OSBP: variants seen among roughly 807,000 people sequenced by gnomAD.
OSBP encodes oxysterol binding protein.
In OSBP, 32 loss-of-function variants were observed where a neutral mutation model predicts 96.6. The ratio of observed to expected loss-of-function variants is 0.33; its 90% CI spans 0.25 to 0.45. The LOEUF is 0.45. Among genes scored for constraint, OSBP ranks in the 20% least tolerant of loss-of-function variants. The probability of loss-of-function intolerance (pLI) is 1.00; values close to 1 mark genes in which losing one functional copy is unlikely to be tolerated. For missense variants in OSBP, 653 were observed against 1,029.7 expected (o/e 0.63, Z 5.01); for synonymous variants, 369 against 389.6 (o/e 0.95, Z 0.62).
chr11:59,585,209 G>A (rs1184845458), intron 9 of OSBP, among the ~76,000 whole-genome samples: 6 of 151,726 alleles, frequency 4.0e-5, no homozygotes, highest in African/African-American at 9.7e-5. Flanking sequence ...CTTCCCGGCC[G>A]CCATCACATC....
intron 9 of OSBP, among the ~76,000 whole-genome samples, chr11:59,591,051 G>A (rs1326756612): frequency 2.4e-4 from 36 of 152,186 alleles, no homozygotes; most frequent in Admixed American, 2.3e-3. Context: ...GATATGTGGA[G>A]GAACTTAACA....
At chr11:59,580,526 T>C (rs75333874) in intron 10 of OSBP, among the ~76,000 whole-genome samples, 5,703 of 152,304 alleles carry the variant, frequency 0.037, 146 homozygotes, top group Non-Finnish European at 0.043. Flanking sequence ...TCAGCACATA[T>C]ACTGAAGTAC....
chr11:59,593,343 T>C (rs1481718290), intron 9 of OSBP: 2 of 334,752 alleles, frequency 6.0e-6, no homozygotes, highest in Middle Eastern at 8.6e-4. Flanking sequence ...CTAGAACTTG[T>C]GTTCTAAATA....
Position 59,593,537 on chromosome 11 carries a change from C to T in OSBP, c.1678+67G>A. ...GTCTCCTGACTCTTTAGCCAGTGACCTCCTCCATCGTGCCAGAAAACCTTT... is the reference window on the plus strand; with the variant it reads ...GTCTCCTGACTCTTTAGCCAGTGACTTCCTCCATCGTGCCAGAAAACCTTT... On this transcript the variant is annotated intron_variant, in intron 9 of 13. Transcript: ENST00000263847. The T allele has an allele frequency of 1.5e-5, 24 of 1,576,020 alleles. No homozygotes were observed. The South Asian group carries it at 2.6e-4, about 17-fold the overall frequency.
chr11:59,615,687 C>T lies in OSBP; in HGVS notation c.-23G>A. The T allele has an allele frequency of 1.5e-6, 2 of 1,297,526 alleles. No individual in the cohort carries two copies. The highest frequency in any genetic ancestry group is 2.3e-5 in the South Asian group (1 of 43,862). 80.4% of individuals were successfully genotyped at this position (1,297,526 alleles called of 1,614,324 possible). A position where few individuals can be genotyped will look rare whatever the true frequency, so the allele number is the denominator to read the frequency against. ...CATGAGCCGCCGCCGCCTGGAGATA[C>T]AAGACCGGAACCGCCTACGAGAGCC... On this transcript the variant is annotated 5_prime_UTR_variant, in exon 1 of 14. Coordinates refer to ENST00000263847, the MANE Select transcript of OSBP (RefSeq NM_002556.3).
chr11:59,575,613 A>G lies in OSBP; in HGVS notation c.*964T>C, dbSNP rs1446669168. The G allele has an allele frequency of 6.6e-6, 1 of 152,670 alleles. No individual in the cohort carries two copies. The highest frequency in any genetic ancestry group is 1.5e-5 in the Non-Finnish European group (1 of 68,058). 9.5% of individuals were successfully genotyped at this position (152,670 alleles called of 1,614,324 possible). A position where few individuals can be genotyped will look rare whatever the true frequency, so the allele number is the denominator to read the frequency against. ...GAGATGGTGAAAACTTTTGTTCCAC[A>G]TTAACTTCTGCTCTCAAATTCTGAA... On this transcript the variant is annotated 3_prime_UTR_variant, in exon 14 of 14. Coordinates refer to ENST00000263847, the MANE Select transcript of OSBP (RefSeq NM_002556.3).
intron 4 of OSBP, 28 bp downstream of exon 4, chr11:59,601,612 C>G (rs1860725373): frequency 6.2e-7 from 1 of 1,607,862 alleles, no homozygotes; most frequent in Non-Finnish European, 8.5e-7. Context: ...CACCTTAGAC[C>G]AGGCTACCTG....
At chr11:59,581,325 C>A in intron 10 of OSBP, 126 bp downstream of exon 10, 1 of 478,024 alleles carries the variant, frequency 2.1e-6, no homozygotes, top group Non-Finnish European at 3.8e-6. Context: ...AGAGAAATTC[C>A]TTAGGAGAAA....
At chr11:59,606,447 A>C (rs78368181) in intron 3 of OSBP, among the ~76,000 whole-genome samples, 1 of 152,056 alleles carries the variant, frequency 6.6e-6, no homozygotes, top group African/African-American at 2.4e-5. Context: ...AAAAAAAAAA[A>C]CACATCTTCT....
rs763588771 is a variant in OSBP at position 59,578,145 on chromosome 11, T to G, written c.2060+4A>C. 6.2e-7 allele frequency: 1 copy of G among 1,613,964 alleles called. No individual in the cohort carries two copies. The highest frequency in any genetic ancestry group is 8.5e-7 in the Non-Finnish European group (1 of 1,179,830). ...ATCTGGGCAGCATGCATGCTGATAC[T>G]CACGGTAAAGGATTCCTTTTCCACA... is the stretch of plus-strand genomic sequence containing the variant. On this transcript the variant is annotated splice_donor_region_variant and intron_variant, in intron 12 of 13. Coordinates refer to ENST00000263847, the MANE Select transcript of OSBP (RefSeq NM_002556.3).
In OSBP at chr11:59,576,873, C is replaced by T. The variant is rs775775277; in HGVS notation, c.2213G>A (p.Arg738His). 11 of 1,614,050 alleles carry T rather than the reference C, an allele frequency of 6.8e-6. No homozygotes were observed. The highest frequency in any genetic ancestry group is 1.7e-5 in the Admixed American group (1 of 59,992). ...GGAAAGTCTTTGTTTTTCCTCCAGG[C>T]GCTGCTTCTCCGCATTTGCTTCATC... ...RWDEANAEKQ[R>H]LEEKQRLSRK... Residue 738 changes from arginine (R) to histidine (H), a missense_variant, in exon 13 of 14, where the codon CGC becomes CAC. Coordinates refer to ENST00000263847, the MANE Select transcript of OSBP (RefSeq NM_002556.3).
In OSBP at chr11:59,610,464, G is replaced by A; in HGVS notation, c.488C>T (p.Ala163Val). The change falls in exon 2 of 14, where the codon GCT becomes GTT. Residue 163 changes from alanine (A) to valine (V), a missense_variant. Around this residue, in one of 6 missense-constraint regions of OSBP, gnomAD observed 308 missense variants for 573.1 expected, o/e 0.54. Coordinates refer to ENST00000263847, the MANE Select transcript of OSBP (RefSeq NM_002556.3). ...GCGCTGCCGCTCAACTTCTGAACTA[G>A]CTTTCAGATGGTAGGTCTGAGCACC... ...NGGAQTYHLK[A>V]SSEVERQRWV... 6.2e-7 allele frequency: 1 copy of A among 1,614,150 alleles called. No individual in the cohort carries two copies. Among genetic ancestry groups the A allele is most frequent in the Non-Finnish European group, 8.5e-7 (1 of 1,179,996 alleles).
Position 59,593,492 on chromosome 11 carries a change from G to C in OSBP, c.1678+112C>G, listed in dbSNP as rs1207224626. The C allele has an allele frequency of 3.2e-5, 38 of 1,193,206 alleles. No homozygotes were observed. In the Middle Eastern group the frequency reaches 9.2e-4, roughly 29 times the overall value. 73.9% of individuals were successfully genotyped at this position (1,193,206 alleles called of 1,614,324 possible). A position where few individuals can be genotyped will look rare whatever the true frequency, so the allele number is the denominator to read the frequency against. On this transcript the variant is annotated intron_variant, in intron 9 of 13. Transcript: ENST00000263847. ...GCCCAAAGCCAGTTAGTGAGGGTCA[G>C]TGCTCGAATCAGACCTCCTGTCTCC...
At chr11:59,608,234 A>AG (rs1319573694) in intron 3 of OSBP, among the ~76,000 whole-genome samples, 1 of 152,230 alleles carries the variant, frequency 6.6e-6, no homozygotes, top group East Asian at 1.9e-4. Flanking sequence ...CAGTCAGTGA[A>AG]GGAACCCTGG....
chr11:59,593,737 A>G lies in OSBP; in HGVS notation c.1558-13T>C. 1 of 1,613,862 alleles carries G rather than the reference A, an allele frequency of 6.2e-7. No homozygotes were observed. ...GATGATGACTCACCTTGAAGAAATC[A>G]GGTTCAAATTAAGACGGCAGAAAGG... On this transcript the variant is annotated splice_polypyrimidine_tract_variant and intron_variant, in intron 8 of 13. Coordinates refer to ENST00000263847, the MANE Select transcript of OSBP (RefSeq NM_002556.3).
chr11:59,598,951 A>T (rs1481832694), intron 7 of OSBP, among the ~76,000 whole-genome samples: 1 of 152,218 alleles, frequency 6.6e-6, no homozygotes, highest in Non-Finnish European at 1.5e-5. Flanking sequence ...AGCTGGAATA[A>T]GGCTCTGATG....
intron 7 of OSBP, among the ~76,000 whole-genome samples, chr11:59,594,801 T>C (rs1860628107): frequency 6.6e-6 from 1 of 152,152 alleles, no homozygotes; most frequent in Non-Finnish European, 1.5e-5. Context: ...GGCTGGATAA[T>C]TGTGTTTCTG....
chr11:59,608,391 G>T (rs1205500111), intron 3 of OSBP, 93 bp downstream of exon 3: 1 of 1,482,588 alleles, frequency 6.7e-7, no homozygotes, highest in Non-Finnish European at 9.4e-7. Context: ...AATGTTCTGT[G>T]CTTTATCAAT....
chr11:59,598,006 G>C (rs935678273), intron 7 of OSBP, among the ~76,000 whole-genome samples: 5 of 151,930 alleles, frequency 3.3e-5, no homozygotes, highest in South Asian at 2.1e-4. Flanking sequence ...GTGCCCAGCC[G>C]AATTTTTTAT....
Sources: gnomAD v4.1 joint callset for allele counts (sites outside exome capture counted in the v4.1 genomes callset) on GRCh38, gnomAD v4.1.1 for gene constraint, gnomAD v4.1.1 regional missense constraint, MANE v1.5 for transcripts, NCBI Gene and HGNC (gene_info 2026-07-23, HGNC 2026-07-21) for gene names.